The following RAPGEF5 variants were observed in gnomAD, a reference collection of about 807,000 sequenced individuals.
RAPGEF5 encodes Rap guanine nucleotide exchange factor 5, also known as M-Ras-regulated GEF.
RAPGEF5 carries 65 observed loss-of-function variants against 125.2 expected under a neutral mutation model. The observed-to-expected ratio is 0.52, with a 90% CI of 0.43 to 0.64. The LOEUF (loss-of-function observed/expected upper bound fraction) is 0.64, where lower values mean the gene tolerates loss of function less well. Ranked by LOEUF, RAPGEF5 falls within the 30% of genes least tolerant of loss-of-function variation. RAPGEF5 has a pLI of 0.00. For missense variants in RAPGEF5, 958 were observed against 1,048.1 expected (o/e 0.91, Z 1.19); for synonymous variants, 391 against 385.9 (o/e 1.01, Z -0.16).
rs757768702 is a variant in RAPGEF5, at chr7:22,316,460, CATATAT to C, written c.283-990_283-985del. On this transcript the variant is annotated intron_variant, in intron 2 of 25. Transcript: ENST00000665637. Reference sequence around the variant, plus strand: ...ATACACACGTGTATGTATACATAGACATATATATATATATATATATATATATATATT... The same window carrying C: ...ATACACACGTGTATGTATACATAGACATATATATATATATATATATATATT... Among the ~76,000 whole-genome samples the C allele has an allele frequency of 5.8e-3, 537 of 92,528 alleles. 15 individuals carry two copies. Among genetic ancestry groups the C allele is most frequent in the Middle Eastern group, 0.022 (3 of 136 alleles). 60.7% of individuals were successfully genotyped at this position (92,528 alleles called of 152,430 possible).
intron 11 of RAPGEF5, among the ~76,000 whole-genome samples, chr7:22,181,380 G>T (rs2128121633): frequency 6.6e-6 from 1 of 152,262 alleles, no homozygotes; most frequent in Non-Finnish European, 1.5e-5. Flanking sequence ...TTTGTTTTTA[G>T]ACTGAGAATT....
rs577215731 is a variant in RAPGEF5 at position 22,339,915 on chromosome 7, C to T, written c.231+16915G>A. 2.6e-5 allele frequency among the ~76,000 whole-genome samples: 4 copies of T among 152,292 alleles called. No individual in the cohort carries two copies. In the East Asian group the frequency reaches 7.7e-4, roughly 29 times the overall value. On this transcript the variant is annotated intron_variant, in intron 1 of 25. Coordinates refer to ENST00000665637, the MANE Select transcript of RAPGEF5 (RefSeq NM_012294.5). ...ATCAACACATTTGTAACTCTCCACCCCCTAAAGCAGACCAGGTGGATGGTT... is the reference window on the plus strand; with the variant it reads ...ATCAACACATTTGTAACTCTCCACCTCCTAAAGCAGACCAGGTGGATGGTT...
chr7:22,268,138 T>C (rs542279834), intron 6 of RAPGEF5, among the ~76,000 whole-genome samples: 2 of 152,290 alleles, frequency 1.3e-5, no homozygotes, highest in Admixed American at 6.5e-5. Context: ...TAAGTGAAAG[T>C]CATTCAAAAA....
chr7:22,308,553 A>G, intron 4 of RAPGEF5, 46 bp from the exon 5 acceptor site: 1 of 1,367,020 alleles, frequency 7.3e-7, no homozygotes, highest in Non-Finnish European at 9.8e-7. Flanking sequence ...AAAAGATATT[A>G]CTCAGAGAGT....
intron 1 of RAPGEF5, among the ~76,000 whole-genome samples, chr7:22,319,027 A>G (rs1211730938): frequency 3.9e-5 from 6 of 152,166 alleles, no homozygotes; most frequent in African/African-American, 1.4e-4. Context: ...TATGAACTTA[A>G]TATTATTTGC....
chr7:22,178,839 T>C (rs1021368256), intron 11 of RAPGEF5, among the ~76,000 whole-genome samples: 1 of 152,146 alleles, frequency 6.6e-6, no homozygotes, highest in African/African-American at 2.4e-5. Context: ...TCCCCAGACG[T>C]TGAGGGCTGG....
chr7:22,289,714 T>G (rs1339946234), intron 6 of RAPGEF5, among the ~76,000 whole-genome samples: 1 of 152,244 alleles, frequency 6.6e-6, no homozygotes, highest in African/African-American at 2.4e-5. Flanking sequence ...GATTAGGCTT[T>G]GAGTCCCATC....
rs1005844814 is a variant in RAPGEF5 at position 22,150,316 on chromosome 7, T to G, written c.1884+91A>C. On this transcript the variant is annotated intron_variant, in intron 18 of 25. Transcript: ENST00000665637. ...TCAAACTTCTGAGCTCAAGCCATCT[T>G]CCTGCCTTGGCCTCCCAAAGTGCTC... The G allele has an allele frequency of 2.3e-6, 3 of 1,305,914 alleles. No individual in the cohort carries two copies. The African/African-American group carries it at 4.5e-5, about 19-fold the overall frequency. 80.9% of individuals were successfully genotyped at this position (1,305,914 alleles called of 1,614,324 possible). A position where few individuals can be genotyped will look rare whatever the true frequency, so the allele number is the denominator to read the frequency against.
chr7:22,200,894 G>A (rs1181710438), intron 9 of RAPGEF5, among the ~76,000 whole-genome samples: 1 of 152,194 alleles, frequency 6.6e-6, no homozygotes, highest in Non-Finnish European at 1.5e-5. Flanking sequence ...GAAATATAAA[G>A]TCAATGTCTT....
intron 3 of RAPGEF5, among the ~76,000 whole-genome samples, chr7:22,312,396 C>G (rs1168861990): frequency 1.3e-5 from 2 of 151,986 alleles, no homozygotes; most frequent in Non-Finnish European, 2.9e-5. Context: ...TTTAGTAGAG[C>G]TGGGGTTTCA....
chr7:22,284,710 T>C (rs1350020130), intron 6 of RAPGEF5, among the ~76,000 whole-genome samples: 1 of 152,186 alleles, frequency 6.6e-6, no homozygotes, highest in African/African-American at 2.4e-5. Flanking sequence ...ACTTTTATTC[T>C]TTGAATAGCC....
chr7:22,235,166 C>T (rs1409257401), intron 7 of RAPGEF5, among the ~76,000 whole-genome samples: 8 of 152,210 alleles, frequency 5.3e-5, no homozygotes, highest in Non-Finnish European at 1.2e-4. Flanking sequence ...TTATTGGGTA[C>T]TCTGCCAAGA....
At chr7:22,258,878 G>C (rs1280727478) in intron 7 of RAPGEF5, among the ~76,000 whole-genome samples, 1 of 151,988 alleles carries the variant, frequency 6.6e-6, no homozygotes, top group Admixed American at 6.5e-5. Flanking sequence ...ATGGGCCCCA[G>C]ACCTACATGT....
chr7:22,142,378 A>C (rs939724104), intron 20 of RAPGEF5, among the ~76,000 whole-genome samples: 1 of 152,230 alleles, frequency 6.6e-6, no homozygotes, highest in East Asian at 1.9e-4. Context: ...ATTCATTATA[A>C]AGATGTCTAT....
intron 7 of RAPGEF5, among the ~76,000 whole-genome samples, chr7:22,252,444 G>C (rs1007577661): frequency 4.6e-5 from 7 of 152,192 alleles, no homozygotes; most frequent in Non-Finnish European, 7.3e-5. Flanking sequence ...TCTGGAGTAT[G>C]CGCTGCTGTA....
chr7:22,231,916 A>G (rs112176849), intron 7 of RAPGEF5, among the ~76,000 whole-genome samples: 11 of 152,324 alleles, frequency 7.2e-5, no homozygotes, highest in African/African-American at 2.6e-4. Flanking sequence ...TTTGATGCAT[A>G]TTTTTAAAAG....
At chr7:22,314,415 A>T (rs569765420) in intron 3 of RAPGEF5, among the ~76,000 whole-genome samples, 1 of 152,238 alleles carries the variant, frequency 6.6e-6, no homozygotes, top group African/African-American at 2.4e-5. Flanking sequence ...CGGTGGTCTC[A>T]CTCTGATAGT....
intron 1 of RAPGEF5, among the ~76,000 whole-genome samples, chr7:22,337,873 C>T (rs1205322376): frequency 6.6e-6 from 1 of 152,324 alleles, no homozygotes; most frequent in South Asian, 2.1e-4. Context: ...ACACACCACT[C>T]ACATTTATAT....
intron 23 of RAPGEF5, among the ~76,000 whole-genome samples, 176 bp from the exon 24 acceptor site, chr7:22,131,277 T>A (rs990025026): frequency 2.6e-5 from 4 of 152,310 alleles, no homozygotes; most frequent in African/African-American, 9.6e-5. Flanking sequence ...TAAAAGTGCA[T>A]AATTTATGTG....
Sources: allele counts gnomAD v4.1 joint callset (sites outside exome capture counted in the v4.1 genomes callset), GRCh38; gene constraint gnomAD v4.1.1; transcripts MANE v1.5; gene names NCBI Gene and HGNC (gene_info 2026-07-23, HGNC 2026-07-21).